The following USP25 variants were observed in gnomAD, a reference collection of about 807,000 sequenced individuals.
The protein encoded by USP25 is ubiquitin carboxyl-terminal hydrolase 25.
A neutral mutation model predicts 158.5 loss-of-function variants in USP25; 85 were observed. The observed-to-expected ratio is 0.54, with a 90% confidence interval of 0.45 to 0.64. USP25 has a LOEUF of 0.64. Ranked by LOEUF, USP25 falls within the 30% of genes least tolerant of loss-of-function variation. USP25 has a pLI of 0.00. For synonymous variants in USP25, 464 were observed against 460.4 expected, an observed-to-expected ratio of 1.01 and a Z score of -0.10; for missense variants, 1,242 against 1,327.3, an observed-to-expected ratio of 0.94 and a Z score of 1.00.
chr21:15,799,877 A>G, intron 6 of USP25, 34 bp downstream of exon 6: 1 of 1,457,750 alleles, frequency 6.9e-7, no homozygotes, highest in Non-Finnish European at 9.4e-7. Context: ...AGCAGTATAT[A>G]TACTCTATAT....
chr21:15,765,139 G>C (rs2033966490), intron 2 of USP25, among the ~76,000 whole-genome samples: 1 of 152,018 alleles, frequency 6.6e-6, no homozygotes, highest in South Asian at 2.1e-4. Context: ...AGTTCTTAGG[G>C]AACCTACAGA....
intron 20 of USP25, among the ~76,000 whole-genome samples, chr21:15,855,055 A>G (rs1056969017): frequency 3.9e-5 from 6 of 152,216 alleles, no homozygotes; most frequent in Admixed American, 3.3e-4. Context: ...AATATTTTCA[A>G]AGTACTCGTT....
intron 17 of USP25, among the ~76,000 whole-genome samples, chr21:15,840,671 C>G (rs1056015451): frequency 1.3e-5 from 2 of 152,112 alleles, no homozygotes; most frequent in Non-Finnish European, 2.9e-5. Flanking sequence ...GGAAGGAAAC[C>G]TTGGCCCTGG....
At chr21:15,845,282 AT>A (rs1419031074) in intron 18 of USP25, among the ~76,000 whole-genome samples, 2 of 152,178 alleles carry the variant, frequency 1.3e-5, no homozygotes, top group Admixed American at 1.3e-4. Context: ...TTTTTGCAGC[AT>A]ATTAACTGAG....
intron 4 of USP25, among the ~76,000 whole-genome samples, chr21:15,779,662 A>G (rs544786316): frequency 6.6e-6 from 1 of 152,078 alleles, no homozygotes; most frequent in African/African-American, 2.4e-5. Flanking sequence ...ATGTTATATT[A>G]TTGTTTTGGA....
chr21:15,825,520 C>A (rs144968317), intron 12 of USP25, among the ~76,000 whole-genome samples: 1 of 152,206 alleles, frequency 6.6e-6, no homozygotes, highest in Non-Finnish European at 1.5e-5. Context: ...TCTGTGTGTA[C>A]AGGGAATGAA....
chr21:15,786,266 G>T (rs1158995644), intron 4 of USP25, among the ~76,000 whole-genome samples: 6 of 152,016 alleles, frequency 3.9e-5, no homozygotes, highest in Non-Finnish European at 5.9e-5. Flanking sequence ...AAAGAGGAGG[G>T]AATACTTCCA....
At chr21:15,807,906 G>A (rs1319839368) in intron 7 of USP25, among the ~76,000 whole-genome samples, 5 of 152,126 alleles carry the variant, frequency 3.3e-5, no homozygotes, top group South Asian at 2.1e-4. Context: ...TTTGCGTTGC[G>A]TTTAGTCCTA....
intron 18 of USP25, among the ~76,000 whole-genome samples, chr21:15,846,484 G>C (rs1197693767): frequency 6.6e-6 from 1 of 151,882 alleles, no homozygotes; most frequent in Non-Finnish European, 1.5e-5. Context: ...TATTTTAAAA[G>C]GGGCAGTACC....
At chr21:15,743,278 C>T (rs998990564) in intron 1 of USP25, among the ~76,000 whole-genome samples, 20 of 152,216 alleles carry the variant, frequency 1.3e-4, no homozygotes, top group African/African-American at 4.6e-4. Flanking sequence ...CCCACAGCTC[C>T]AGGAGCCAGC....
chr21:15,798,150 G>C (rs935678227), intron 5 of USP25, among the ~76,000 whole-genome samples: 1 of 151,256 alleles, frequency 6.6e-6, no homozygotes, highest in African/African-American at 2.4e-5. Flanking sequence ...TGACTTTGCA[G>C]TTGCCAAATC....
intron 2 of USP25, among the ~76,000 whole-genome samples, chr21:15,763,539 T>C (rs1168824910): frequency 6.6e-6 from 1 of 152,094 alleles, no homozygotes; most frequent in Non-Finnish European, 1.5e-5. Flanking sequence ...TCCAAATGAG[T>C]CATATCATAT....
At chr21:15,853,326 C>T (rs1019571745) in intron 20 of USP25, among the ~76,000 whole-genome samples, 4 of 151,654 alleles carry the variant, frequency 2.6e-5, no homozygotes, top group Non-Finnish European at 5.9e-5. Context: ...CATGTACACG[C>T]ACACGTGTAC....
In USP25 at chr21:15,811,257, A is replaced by C. The variant is rs753700317; in HGVS notation, c.931+47A>C. On this transcript the variant is annotated intron_variant, in intron 9 of 25. Transcript: ENST00000400183. ...TTATTGCAAGTGAAGAGAGATTATT[A>C]TTCATTCATTCGTCTCGATAGTTAC... 5 of 1,479,168 alleles carry C rather than the reference A, an allele frequency of 3.4e-6. No individual in the cohort carries two copies. The Admixed American group carries it at 5.9e-5, about 17-fold the overall frequency. The allele number at this position is 1,479,168 out of a possible 1,614,324, so 91.6% of individuals were successfully genotyped here.
At chr21:15,849,111 T>C (rs1474056153) in intron 19 of USP25, among the ~76,000 whole-genome samples, 1 of 152,190 alleles carries the variant, frequency 6.6e-6, no homozygotes, top group East Asian at 1.9e-4. Flanking sequence ...ACCTATCAAT[T>C]TATTGATTAA....
At chr21:15,751,275 G>A (rs1246117758) in intron 1 of USP25, among the ~76,000 whole-genome samples, 1 of 152,116 alleles carries the variant, frequency 6.6e-6, no homozygotes, top group East Asian at 1.9e-4. Context: ...GTGGTGTAGA[G>A]TATGTGCTTT....
intron 7 of USP25, among the ~76,000 whole-genome samples, chr21:15,806,252 G>A (rs185549945): frequency 6.6e-6 from 1 of 151,880 alleles, no homozygotes; most frequent in African/African-American, 2.4e-5. Flanking sequence ...CATCATTTTC[G>A]GGCATTCAGC....
intron 5 of USP25, among the ~76,000 whole-genome samples, chr21:15,795,038 G>A (rs914000069): frequency 6.6e-6 from 1 of 151,198 alleles, no homozygotes; most frequent in African/African-American, 2.4e-5. Context: ...AAATCATGTG[G>A]CACTAAAATG....
At chr21:15,732,596 C>A (rs2031034068) in intron 1 of USP25, among the ~76,000 whole-genome samples, 1 of 152,188 alleles carries the variant, frequency 6.6e-6, no homozygotes, top group Non-Finnish European at 1.5e-5. Flanking sequence ...GCATAGCCAA[C>A]ATTTTAGCCA....
Sources: gnomAD v4.1 joint callset for allele counts (sites outside exome capture counted in the v4.1 genomes callset) on GRCh38, gnomAD v4.1.1 for gene constraint, MANE v1.5 for transcripts, NCBI Gene and HGNC (gene_info 2026-07-23, HGNC 2026-07-21) for gene names.